Variants in PTK2B observed in about 807,000 individuals in gnomAD.
The protein encoded by PTK2B is protein-tyrosine kinase 2-beta.
PTK2B carries 71 observed loss-of-function variants against 142.9 expected under a neutral mutation model. That is an observed-to-expected ratio of 0.50 (90% CI 0.41 to 0.61). The LOEUF is 0.61. Ranked by LOEUF, PTK2B falls within the 20% of genes least tolerant of loss-of-function variation. The probability of loss-of-function intolerance (pLI) is 0.00; values close to 1 mark genes in which losing one functional copy is unlikely to be tolerated. For synonymous variants in PTK2B, 519 were observed against 503.4 expected (o/e 1.03, Z -0.42); for missense variants, 1,105 against 1,320.4 (o/e 0.84, Z 2.53).
At chr8:27,414,236 G>C (rs920567085) in intron 2 of PTK2B, among the ~76,000 whole-genome samples, 2 of 132,882 alleles carry the variant, frequency 1.5e-5, no homozygotes. Context: ...AATCACTATC[G>C]GCTGTCACTG....
chr8:27,422,334 A>G lies in PTK2B; in HGVS notation c.502A>G (p.Ser168Gly), dbSNP rs924544920. The change falls in exon 5 of 31, where the codon AGC (serine) becomes GGC (glycine). Residue 168 changes from serine to glycine, a missense_variant. Transcript: ENST00000346049. ...LRNDYMQRYASKVSEGMALQL... is the reference protein window; with the variant it reads ...LRNDYMQRYAGKVSEGMALQL... ...GAACGACTACATGCAGCGCTACGCCAGCAAGGTCAGCGAGGGCATGGCCCT... is the reference window on the plus strand; with the variant it reads ...GAACGACTACATGCAGCGCTACGCCGGCAAGGTCAGCGAGGGCATGGCCCT... 1.2e-6 allele frequency: 2 copies of G among 1,613,880 alleles called. No individual in the cohort carries two copies. The highest frequency in any genetic ancestry group is 1.7e-6 in the Non-Finnish European group (2 of 1,179,882).
intron 1 of PTK2B, among the ~76,000 whole-genome samples, chr8:27,333,645 C>G (rs1803888118): frequency 6.6e-6 from 1 of 152,168 alleles, no homozygotes; most frequent in Non-Finnish European, 1.5e-5. Flanking sequence ...CATTCCTCTT[C>G]ACCTCTGTCT....
chr8:27,431,756 T>G (rs1228990248), intron 9 of PTK2B, among the ~76,000 whole-genome samples: 1 of 152,212 alleles, frequency 6.6e-6, no homozygotes, highest in Non-Finnish European at 1.5e-5. Flanking sequence ...TGTTGCTCTT[T>G]CAGTGACAAT....
intron 2 of PTK2B, among the ~76,000 whole-genome samples, chr8:27,412,626 A>T (rs1022009706): frequency 1.9e-4 from 29 of 152,162 alleles, no homozygotes; most frequent in African/African-American, 6.0e-4. Context: ...AGCACATTTC[A>T]TGCTTAGAAA....
At chr8:27,326,358 C>G (rs1238448678) in intron 1 of PTK2B, among the ~76,000 whole-genome samples, 1 of 152,090 alleles carries the variant, frequency 6.6e-6, no homozygotes, top group African/African-American at 2.4e-5. Flanking sequence ...TCAGGCTGCG[C>G]GTGGGCACCG....
At chr8:27,453,739 G>C (rs1043384064) in intron 28 of PTK2B, among the ~76,000 whole-genome samples, 3 of 152,104 alleles carry the variant, frequency 2.0e-5, no homozygotes, top group Non-Finnish European at 4.4e-5. Flanking sequence ...AAAAAGATTA[G>C]CTGGACTTGG....
intron 1 of PTK2B, among the ~76,000 whole-genome samples, chr8:27,374,107 C>G (rs1806521428): frequency 6.6e-6 from 1 of 152,142 alleles, no homozygotes; most frequent in African/African-American, 2.4e-5. Context: ...AACGCTGATA[C>G]ATAGGTGGTA....
intron 1 of PTK2B, among the ~76,000 whole-genome samples, chr8:27,375,173 A>G (rs1354230186): frequency 2.0e-5 from 3 of 152,192 alleles, no homozygotes; most frequent in Non-Finnish European, 4.4e-5. Context: ...TGGGCTCAGG[A>G]GTGCCAAGGC....
In PTK2B at chr8:27,439,107, A is replaced by C; in HGVS notation, c.1720A>C (p.Ile574Leu). The C allele has an allele frequency of 1.9e-6, 3 of 1,613,878 alleles. No individual in the cohort carries two copies. Among genetic ancestry groups the C allele is most frequent in the Non-Finnish European group, 2.5e-6 (3 of 1,179,786 alleles). The change falls in exon 19 of 31, where the codon ATT becomes CTT. Residue 574 changes from isoleucine (I) to leucine (L), a missense_variant. By Grantham distance (5) the Ile-to-Leu change is conservative. Transcript: ENST00000346049. ...KLGDFGLSRY[I>L]EDEDYYKASV... ...GGGGGACTTTGGTCTTTCCCGGTAC[A>C]TTGAGGACGAGGACTATTACAAAGG...
At chr8:27,362,808 T>G (rs1304632540) in intron 1 of PTK2B, among the ~76,000 whole-genome samples, 1 of 152,018 alleles carries the variant, frequency 6.6e-6, no homozygotes, top group African/African-American at 2.4e-5. Flanking sequence ...ATCTAGAACT[T>G]CTCCCACACG....
chr8:27,432,768 C>CAGAGCGTTT (rs1810520122), intron 10 of PTK2B, among the ~76,000 whole-genome samples: 1 of 45,082 alleles, frequency 2.2e-5, no homozygotes, highest in Non-Finnish European at 4.9e-5. Context: ...CCTCAGGCTG[C>CAGAGCGTTT]ATCTCTCTCT....
At chr8:27,400,842 T>C (rs938640899) in intron 2 of PTK2B, among the ~76,000 whole-genome samples, 3 of 152,100 alleles carry the variant, frequency 2.0e-5, no homozygotes, top group African/African-American at 7.2e-5. Flanking sequence ...GAGACAAGAT[T>C]CGGGTGTCAT....
intron 1 of PTK2B, among the ~76,000 whole-genome samples, chr8:27,359,564 G>GTATT (rs1239474970): frequency 2.2e-4 from 34 of 152,234 alleles, no homozygotes; most frequent in Non-Finnish European, 4.0e-4. Flanking sequence ...GAGGAGCAGG[G>GTATT]TATTTATGTG....
chr8:27,456,263 G>A (rs1253847071), intron 30 of PTK2B, among the ~76,000 whole-genome samples: 1 of 152,192 alleles, frequency 6.6e-6, no homozygotes, highest in Non-Finnish European at 1.5e-5. Context: ...ACCCTACAAT[G>A]AGCAAGCCTA....
chr8:27,334,294 C>G (rs1803928741), intron 1 of PTK2B, among the ~76,000 whole-genome samples: 1 of 152,190 alleles, frequency 6.6e-6, no homozygotes, highest in Non-Finnish European at 1.5e-5. Context: ...TTCAGTGCCT[C>G]CCATAATCCA....
At chr8:27,356,667 A>C (rs2130666852) in intron 1 of PTK2B, among the ~76,000 whole-genome samples, 1 of 152,360 alleles carries the variant, frequency 6.6e-6, no homozygotes, top group Non-Finnish European at 1.5e-5. Context: ...AAACGTAAAC[A>C]ATGCAAATGT....
At position 27,405,035 on chromosome 8, in the gene PTK2B, C is replaced by CCTCTCTCTCTCTCTCTCTCTCTCTCT. The variant is rs3076734; in HGVS notation, c.204+7256_204+7281dup. 2.3e-3 allele frequency among the ~76,000 whole-genome samples: 279 copies of CCTCTCTCTCTCTCTCTCTCTCTCTCT among 119,540 alleles called. 16 individuals carry two copies. Among genetic ancestry groups the CCTCTCTCTCTCTCTCTCTCTCTCTCT allele is most frequent in the African/African-American group, 5.5e-3 (158 of 28,920 alleles). 78.4% of individuals were successfully genotyped at this position (119,540 alleles called of 152,430 possible). A position where few individuals can be genotyped will look rare whatever the true frequency, so the allele number is the denominator to read the frequency against. On this transcript the variant is annotated intron_variant, in intron 2 of 30. Transcript: ENST00000346049. ...CTCCCTCCCTTCCTCTCTTTCTCTT[C>CCTCTCTCTCTCTCTCTCTCTCTCTCT]CTCTCTCTCTCTCTCTCTCTCTCTC...
At chr8:27,403,564 A>G (rs997804888) in intron 2 of PTK2B, among the ~76,000 whole-genome samples, 2 of 152,178 alleles carry the variant, frequency 1.3e-5, no homozygotes, top group Non-Finnish European at 2.9e-5. Context: ...TTTTTGTTTG[A>G]TATTCATAGG....
At chr8:27,391,305 C>G (rs1230818329) in intron 1 of PTK2B, among the ~76,000 whole-genome samples, 2 of 152,236 alleles carry the variant, frequency 1.3e-5, no homozygotes, top group Admixed American at 1.3e-4. Flanking sequence ...CCATGTTGAT[C>G]AGGCTGATCT....
Sources: allele counts gnomAD v4.1 joint callset (sites outside exome capture counted in the v4.1 genomes callset), GRCh38; gene constraint gnomAD v4.1.1; transcripts MANE v1.5; gene names NCBI Gene and HGNC (gene_info 2026-07-23, HGNC 2026-07-21).